OPCML: variants seen among roughly 807,000 people sequenced by gnomAD.
The protein encoded by OPCML is opioid binding protein/cell adhesion molecule like, also known as opioid-binding protein/cell adhesion molecule.
A neutral mutation model predicts 37.8 loss-of-function variants in OPCML; 13 were observed. The observed-to-expected ratio is 0.34, with a 90% CI of 0.22 to 0.55. OPCML has a LOEUF of 0.55. OPCML is among the 20% of genes least tolerant of loss of function. The probability of loss-of-function intolerance (pLI) is 0.91; values close to 1 mark genes in which losing one functional copy is unlikely to be tolerated. For missense variants in OPCML, 341 were observed against 435.6 expected, an observed-to-expected ratio of 0.78 and a Z score of 1.93; for synonymous variants, 176 against 168.8, an observed-to-expected ratio of 1.04 and a Z score of -0.33.
intron 1 of OPCML, among the ~76,000 whole-genome samples, chr11:133,190,914 C>T (rs1447383002): frequency 1.3e-5 from 2 of 151,174 alleles, no homozygotes; most frequent in African/African-American, 4.9e-5. Flanking sequence ...ATGTTTGTTT[C>T]TTTTTTGGAC....
chr11:132,595,000 CATT>C (rs747750902), intron 3 of OPCML, among the ~76,000 whole-genome samples: 11 of 152,144 alleles, frequency 7.2e-5, no homozygotes, highest in East Asian at 1.9e-4. Flanking sequence ...TTAAAATCAT[CATT>C]GAGTTGTTGG....
At chr11:132,832,201 A>G (rs2136280699) in intron 2 of OPCML, among the ~76,000 whole-genome samples, 1 of 150,210 alleles carries the variant, frequency 6.7e-6, no homozygotes, top group South Asian at 2.1e-4. Context: ...GCATCTAATT[A>G]CATGTTCCTT....
At chr11:132,887,379 C>A (rs1943464770) in intron 2 of OPCML, among the ~76,000 whole-genome samples, 1 of 152,212 alleles carries the variant, frequency 6.6e-6, no homozygotes, top group Non-Finnish European at 1.5e-5. Context: ...TGGTGTCAAG[C>A]AGCACATGAC....
At chr11:132,510,765 A>C (rs767935850) in intron 4 of OPCML, among the ~76,000 whole-genome samples, 1 of 152,220 alleles carries the variant, frequency 6.6e-6, no homozygotes, top group Non-Finnish European at 1.5e-5. Flanking sequence ...CAGCAGCATG[A>C]AAACGGACTA....
At chr11:133,162,601 A>G (rs965359805) in intron 1 of OPCML, among the ~76,000 whole-genome samples, 2 of 152,166 alleles carry the variant, frequency 1.3e-5, no homozygotes, top group Non-Finnish European at 2.9e-5. Context: ...GGCCACATCA[A>G]CCCGATTTGG....
At chr11:133,190,042 G>T (rs893216705) in intron 1 of OPCML, among the ~76,000 whole-genome samples, 3 of 152,160 alleles carry the variant, frequency 2.0e-5, no homozygotes, top group Non-Finnish European at 2.9e-5. Context: ...CTTCCATATA[G>T]TTCCCATTGG....
intron 4 of OPCML, among the ~76,000 whole-genome samples, chr11:132,442,024 C>A (rs2096037514): frequency 6.6e-6 from 1 of 152,198 alleles, no homozygotes; most frequent in East Asian, 1.9e-4. Context: ...GGCTGGCCTG[C>A]TGGCTCTGAC....
intron 2 of OPCML, among the ~76,000 whole-genome samples, chr11:132,913,703 C>G (rs904472165): frequency 1.8e-4 from 27 of 152,168 alleles, no homozygotes; most frequent in Admixed American, 5.2e-4. Flanking sequence ...TAGGGCAGCC[C>G]CCTTTCTGAC....
At chr11:132,860,318 C>T (rs574679013) in intron 2 of OPCML, among the ~76,000 whole-genome samples, 1 of 152,328 alleles carries the variant, frequency 6.6e-6, no homozygotes, top group East Asian at 1.9e-4. Context: ...GGCCAGTTTT[C>T]ATCTCAAAAC....
rs536546074 is a variant in OPCML, at chr11:133,117,823, T to TA, written c.62-174814dup. Reference sequence around the variant, plus strand: ...AGCAAACTAAGCTCTAACTCTGGAATAATTACAATAATACCAATAATAACT... The same window carrying TA: ...AGCAAACTAAGCTCTAACTCTGGAATAAATTACAATAATACCAATAATAACT... On this transcript the variant is annotated intron_variant, in intron 1 of 7. Transcript: ENST00000524381. 1.0e-4 allele frequency: 101 copies of TA among 984,678 alleles called. 1 individual carries two copies. The South Asian group carries it at 4.5e-3, about 44-fold the overall frequency. The allele number at this position is 984,678 out of a possible 1,614,324, so 61.0% of individuals were successfully genotyped here.
intron 2 of OPCML, among the ~76,000 whole-genome samples, chr11:132,725,367 C>T (rs1479584368): frequency 6.6e-6 from 1 of 152,176 alleles, no homozygotes; most frequent in Non-Finnish European, 1.5e-5. Flanking sequence ...TCCAGGGTAC[C>T]AAGTCCTTAG....
intron 1 of OPCML, among the ~76,000 whole-genome samples, chr11:133,136,919 A>C (rs978120661): frequency 2.0e-5 from 3 of 147,776 alleles, no homozygotes; most frequent in African/African-American, 7.5e-5. Flanking sequence ...TATTTTAGGG[A>C]ATATTATTTT....
At chr11:132,941,825 G>A (rs1945587570) in intron 2 of OPCML, among the ~76,000 whole-genome samples, 1 of 152,184 alleles carries the variant, frequency 6.6e-6, no homozygotes, top group Admixed American at 6.5e-5. Context: ...GAATTCTGGT[G>A]TCCCAGAGAC....
rs575759629 is a variant in OPCML at position 133,016,196 on chromosome 11, G to A, written c.62-73186C>T. Among the ~76,000 whole-genome samples, 9 of 152,312 alleles carry A rather than the reference G, an allele frequency of 5.9e-5. No individual in the cohort carries two copies. In the East Asian group the frequency reaches 9.6e-4, roughly 16 times the overall value. Reference sequence around the variant, plus strand: ...TCAAAGTGTGTAGGTCAGAAGCCCCGTGGGCTCGGCTAGGTTCTCTGTTTT... The same window carrying A: ...TCAAAGTGTGTAGGTCAGAAGCCCCATGGGCTCGGCTAGGTTCTCTGTTTT... On this transcript the variant is annotated intron_variant, in intron 1 of 7. Transcript: ENST00000524381.
chr11:132,503,552 CA>C (rs896159912), intron 4 of OPCML, among the ~76,000 whole-genome samples: 1 of 151,924 alleles, frequency 6.6e-6, no homozygotes, highest in African/African-American at 2.4e-5. Context: ...AAAAAAGTAT[CA>C]ATATTATAAC....
At chr11:132,596,283 G>A (rs1164023780) in intron 3 of OPCML, among the ~76,000 whole-genome samples, 2 of 152,058 alleles carry the variant, frequency 1.3e-5, no homozygotes, top group Non-Finnish European at 2.9e-5. Flanking sequence ...ATGCCTAAGA[G>A]GCCAGATGGG....
At chr11:132,760,494 C>T (rs1946221422) in intron 2 of OPCML, among the ~76,000 whole-genome samples, 1 of 151,096 alleles carries the variant, frequency 6.6e-6, no homozygotes, top group Admixed American at 6.6e-5. Flanking sequence ...GTATTGGGTG[C>T]ATATATATTT....
chr11:132,705,635 C>T (rs1287409978), intron 2 of OPCML, among the ~76,000 whole-genome samples: 3 of 151,984 alleles, frequency 2.0e-5, no homozygotes, highest in Non-Finnish European at 2.9e-5. Flanking sequence ...GGCAATTCCC[C>T]CCGCCCTTGC....
chr11:132,532,700 C>T (rs2096329158), intron 3 of OPCML, among the ~76,000 whole-genome samples: 3 of 152,112 alleles, frequency 2.0e-5, no homozygotes, highest in Admixed American at 6.6e-5. Flanking sequence ...AGAGCATCTC[C>T]CCTCCCAGTA....
Sources: gnomAD v4.1 joint callset for allele counts (sites outside exome capture counted in the v4.1 genomes callset) on GRCh38, gnomAD v4.1.1 for gene constraint, MANE v1.5 for transcripts, NCBI Gene and HGNC (gene_info 2026-07-23, HGNC 2026-07-21) for gene names.